SDCCAG8: variants seen among roughly 807,000 people sequenced by gnomAD.
SDCCAG8 encodes the protein SHH signaling and ciliogenesis regulator SDCCAG8.
A neutral mutation model predicts 101.8 loss-of-function variants in SDCCAG8; 74 were observed. That is an observed-to-expected ratio of 0.73 (90% CI 0.60 to 0.88). The LOEUF (loss-of-function observed/expected upper bound fraction) is 0.88. SDCCAG8 is among the 40% of genes least tolerant of loss of function. SDCCAG8 has a pLI of 0.00. For synonymous variants in SDCCAG8, 281 were observed against 292.9 expected (o/e 0.96, Z 0.41); for missense variants, 787 against 822.6 (o/e 0.96, Z 0.53).
chr1:243,405,874 A>G (rs2079743874), intron 13 of SDCCAG8, among the ~76,000 whole-genome samples: 1 of 151,888 alleles, frequency 6.6e-6, no homozygotes, highest in African/African-American at 2.4e-5. Flanking sequence ...GGGAACCAAC[A>G]TGTTCCCCAT....
intron 10 of SDCCAG8, among the ~76,000 whole-genome samples, chr1:243,335,391 C>T (rs888001237): frequency 1.5e-4 from 23 of 152,138 alleles, no homozygotes; most frequent in Non-Finnish European, 2.9e-4. Flanking sequence ...CTATTGTTCA[C>T]GCCTAGGAAA....
intron 9 of SDCCAG8, chr1:243,318,475 C>A: frequency 1.3e-6 from 1 of 787,978 alleles, no homozygotes; most frequent in Non-Finnish European, 1.5e-6. Flanking sequence ...GCCTATGTAA[C>A]AAACCTTCAC....
At chr1:243,495,939 C>T (rs376465008) in intron 17 of SDCCAG8, among the ~76,000 whole-genome samples, 5 of 152,108 alleles carry the variant, frequency 3.3e-5, no homozygotes, top group Non-Finnish European at 5.9e-5. Flanking sequence ...TGCCTGGATT[C>T]GAATCTCAGC....
At chr1:243,412,270 C>T (rs2080236007) in intron 13 of SDCCAG8, among the ~76,000 whole-genome samples, 1 of 152,144 alleles carries the variant, frequency 6.6e-6, no homozygotes, top group Non-Finnish European at 1.5e-5. Context: ...TATCGTATTA[C>T]CTCTAGAGCA....
At chr1:243,408,205 A>C (rs985544759) in intron 13 of SDCCAG8, among the ~76,000 whole-genome samples, 1 of 152,160 alleles carries the variant, frequency 6.6e-6, no homozygotes, top group South Asian at 2.1e-4. Context: ...TCGTTTATTC[A>C]TTCATGAAAT....
intron 13 of SDCCAG8, among the ~76,000 whole-genome samples, chr1:243,384,156 T>C (rs1370340236): frequency 6.6e-6 from 1 of 152,238 alleles, no homozygotes; most frequent in Non-Finnish European, 1.5e-5. Flanking sequence ...GTGTACTTGC[T>C]ATTTTTTGCT....
At chr1:243,452,188 G>A (rs2083408087) in intron 16 of SDCCAG8, among the ~76,000 whole-genome samples, 1 of 152,176 alleles carries the variant, frequency 6.6e-6, no homozygotes, top group Admixed American at 6.5e-5. Context: ...GGGATTACTG[G>A]TGTGCCTTCT....
At chr1:243,268,598 C>T (rs550285820) in intron 1 of SDCCAG8, among the ~76,000 whole-genome samples, 40 of 152,252 alleles carry the variant, frequency 2.6e-4, no homozygotes, top group East Asian at 1.4e-3. Context: ...CGAACCCTGA[C>T]CTGAAATACA....
At chr1:243,361,254 A>G (rs897195315) in intron 12 of SDCCAG8, among the ~76,000 whole-genome samples, 1 of 152,196 alleles carries the variant, frequency 6.6e-6, no homozygotes, top group African/African-American at 2.4e-5. Flanking sequence ...CGCTGAAATC[A>G]TCTGTGTGAG....
chr1:243,417,835 G>T (rs1379014238), intron 14 of SDCCAG8, 133 bp from the exon 15 acceptor site: 2 of 696,464 alleles, frequency 2.9e-6, no homozygotes, highest in African/African-American at 3.5e-5. Context: ...TTTGACTTAG[G>T]ACATTGAAGG....
Position 243,267,061 on chromosome 1 carries a change from G to A in SDCCAG8, c.68-3044G>A, listed in dbSNP as rs549266365. On this transcript the variant is annotated intron_variant, in intron 1 of 17. Transcript: ENST00000366541. ...AGATCGAGACCATCCTCGCTAACAC[G>A]GTGAAACCCTGTCTGTACTAAAAGT... is the stretch of plus-strand genomic sequence containing the variant. Among the ~76,000 whole-genome samples, 3 of 151,906 alleles carry A rather than the reference G, an allele frequency of 2.0e-5. No individual in the cohort carries two copies. In the South Asian group the frequency reaches 6.3e-4, roughly 32 times the overall value.
chr1:243,284,241 A>T (rs2069363637), intron 4 of SDCCAG8, among the ~76,000 whole-genome samples: 1 of 152,114 alleles, frequency 6.6e-6, no homozygotes, highest in South Asian at 2.1e-4. Flanking sequence ...ATGAGCTTTT[A>T]TGTTTATCTG....
intron 16 of SDCCAG8, among the ~76,000 whole-genome samples, chr1:243,437,451 AC>A (rs2082210879): frequency 6.6e-6 from 1 of 152,004 alleles, no homozygotes; most frequent in South Asian, 2.1e-4. Flanking sequence ...CTGGCATGTC[AC>A]CCAGGTTTGG....
intron 6 of SDCCAG8, among the ~76,000 whole-genome samples, chr1:243,296,780 G>A (rs1008108347): frequency 1.3e-5 from 2 of 151,198 alleles, no homozygotes; most frequent in Non-Finnish European, 2.9e-5. Flanking sequence ...TGATCCGCCC[G>A]CCTCGGCCTC....
chr1:243,495,765 TC>T (rs1298461431), intron 17 of SDCCAG8, among the ~76,000 whole-genome samples: 7 of 152,156 alleles, frequency 4.6e-5, no homozygotes, highest in African/African-American at 1.7e-4. Flanking sequence ...GGCACCTCTC[TC>T]CTCAGTGCGT....
At chr1:243,437,101 C>T (rs1400869633) in intron 16 of SDCCAG8, among the ~76,000 whole-genome samples, 1 of 152,166 alleles carries the variant, frequency 6.6e-6, no homozygotes, top group African/African-American at 2.4e-5. Context: ...ATTATCTTAA[C>T]TCTTAAGACT....
chr1:243,383,447 G>T (rs1285696735), intron 13 of SDCCAG8, among the ~76,000 whole-genome samples: 3 of 152,098 alleles, frequency 2.0e-5, no homozygotes, highest in African/African-American at 7.2e-5. Flanking sequence ...TTCTAATAAT[G>T]ATTTAAGACA....
chr1:243,427,559 C>T (rs1003497657), intron 16 of SDCCAG8, among the ~76,000 whole-genome samples: 1 of 152,196 alleles, frequency 6.6e-6, no homozygotes, highest in Non-Finnish European at 1.5e-5. Flanking sequence ...TCGGCATCCC[C>T]ACACCATTTC....
At chr1:243,488,571 A>G (rs1459629374) in intron 16 of SDCCAG8, 1 of 219,474 alleles carries the variant, frequency 4.6e-6, no homozygotes, top group Non-Finnish European at 9.3e-6. Flanking sequence ...GGAGCTCGTG[A>G]TTGACTGAGT....
Sources: allele counts gnomAD v4.1 joint callset (sites outside exome capture counted in the v4.1 genomes callset), GRCh38; gene constraint gnomAD v4.1.1; transcripts MANE v1.5; gene names NCBI Gene and HGNC (gene_info 2026-07-23, HGNC 2026-07-21).